SLC35F4: variants seen among roughly 807,000 people sequenced by gnomAD.
SLC35F4 encodes the protein chromosome 14 open reading frame 36.
A neutral mutation model predicts 44.2 loss-of-function variants in SLC35F4; 24 were observed. The ratio of observed to expected loss-of-function variants is 0.54; its 90% CI spans 0.39 to 0.76. SLC35F4 has a LOEUF of 0.76. Among genes scored for constraint, SLC35F4 ranks in the 30% least tolerant of loss-of-function variants. The pLI is 0.00. For missense variants in SLC35F4, 562 were observed against 586.1 expected, an observed-to-expected ratio of 0.96 and a Z score of 0.42; for synonymous variants, 238 against 223.6, an observed-to-expected ratio of 1.06 and a Z score of -0.57.
At chr14:57,873,652 A>G (rs1454649904) in intron 1 of SLC35F4, among the ~76,000 whole-genome samples, 4 of 152,198 alleles carry the variant, frequency 2.6e-5, no homozygotes, top group Non-Finnish European at 4.4e-5. Flanking sequence ...AATTCAAAAA[A>G]TGGTGATAAG....
chr14:57,639,407 C>A (rs1404370547), intron 1 of SLC35F4, among the ~76,000 whole-genome samples: 1 of 151,926 alleles, frequency 6.6e-6, no homozygotes, highest in African/African-American at 2.4e-5. Context: ...TTTTCCCCAC[C>A]CCTATGTTAA....
intron 1 of SLC35F4, among the ~76,000 whole-genome samples, chr14:57,865,006 G>C (rs1346751664): frequency 1.3e-5 from 2 of 152,104 alleles, no homozygotes; most frequent in Non-Finnish European, 2.9e-5. Context: ...GAAGAAAGCG[G>C]TGACCGCGAC....
At chr14:57,895,546 G>C (rs1247119549) in intron 1 of SLC35F4, among the ~76,000 whole-genome samples, 2 of 151,804 alleles carry the variant, frequency 1.3e-5, no homozygotes, top group East Asian at 1.9e-4. Flanking sequence ...TGGTTTAAAA[G>C]CATGTGGCAC....
At chr14:57,568,601 G>A (rs976644542) in intron 6 of SLC35F4, among the ~76,000 whole-genome samples, 1 of 152,138 alleles carries the variant, frequency 6.6e-6, no homozygotes, top group African/African-American at 2.4e-5. Context: ...TCTCTTGAGT[G>A]TTTTCTGTCG....
chr14:57,627,013 ACTT>A (rs1323917940), intron 1 of SLC35F4, among the ~76,000 whole-genome samples: 1 of 152,094 alleles, frequency 6.6e-6, no homozygotes, highest in Admixed American at 6.6e-5. Flanking sequence ...AAATGCTCCT[ACTT>A]CTTCTCTTTC....
intron 1 of SLC35F4, among the ~76,000 whole-genome samples, chr14:57,857,975 G>A (rs575595996): frequency 2.6e-4 from 39 of 152,104 alleles, no homozygotes; most frequent in African/African-American, 8.5e-4. Context: ...CAAAACCACA[G>A]TGAGATACCA....
chr14:57,896,077 C>T (rs1888862429), intron 1 of SLC35F4, among the ~76,000 whole-genome samples: 1 of 152,148 alleles, frequency 6.6e-6, no homozygotes, highest in South Asian at 2.1e-4. Flanking sequence ...CTGATCAGAA[C>T]ACTAGTGCTT....
chr14:57,923,769 C>T (rs577325568), intron 1 of SLC35F4, among the ~76,000 whole-genome samples: 2 of 152,320 alleles, frequency 1.3e-5, no homozygotes, highest in East Asian at 3.9e-4. Context: ...TCTGAGGATT[C>T]TCAATAGAAA....
chr14:57,745,115 A>T (rs1394703029), intron 1 of SLC35F4, among the ~76,000 whole-genome samples: 10 of 152,234 alleles, frequency 6.6e-5, no homozygotes, highest in Non-Finnish European at 1.2e-4. Flanking sequence ...TGTTAGACCT[A>T]AAACCATAAA....
chr14:57,681,534 T>C (rs2074903973), intron 1 of SLC35F4, among the ~76,000 whole-genome samples: 1 of 152,032 alleles, frequency 6.6e-6, no homozygotes, highest in Non-Finnish European at 1.5e-5. Context: ...ACATAAGACC[T>C]AAAACCATAA....
chr14:57,931,960 A>G (rs77029643), intron 1 of SLC35F4, among the ~76,000 whole-genome samples: 1 of 152,250 alleles, frequency 6.6e-6, no homozygotes, highest in Non-Finnish European at 1.5e-5. Context: ...AAAGCAATAC[A>G]GGAATAGGAT....
intron 1 of SLC35F4, among the ~76,000 whole-genome samples, chr14:57,644,781 T>C (rs998792822): frequency 2.0e-5 from 3 of 152,252 alleles, no homozygotes; most frequent in Non-Finnish European, 2.9e-5. Context: ...TTAATCCATC[T>C]TGAATTAATT....
At chr14:57,873,554 G>GA (rs977928094) in intron 1 of SLC35F4, among the ~76,000 whole-genome samples, 9 of 151,980 alleles carry the variant, frequency 5.9e-5, no homozygotes, top group South Asian at 2.1e-4. Context: ...ATTAAGTGGT[G>GA]AAAAAAATCA....
intron 1 of SLC35F4, among the ~76,000 whole-genome samples, chr14:57,698,032 C>T (rs1424817176): frequency 1.3e-5 from 2 of 152,160 alleles, no homozygotes; most frequent in Non-Finnish European, 2.9e-5. Flanking sequence ...ATTGTTTGTG[C>T]TTCAGTTCTT....
chr14:57,646,073 C>A (rs1364417901), intron 1 of SLC35F4, among the ~76,000 whole-genome samples: 1 of 151,984 alleles, frequency 6.6e-6, no homozygotes, highest in South Asian at 2.1e-4. Flanking sequence ...AGGATATTGG[C>A]CTAAAATTAT....
At chr14:57,768,557 G>A (rs761125844) in intron 1 of SLC35F4, among the ~76,000 whole-genome samples, 3 of 152,164 alleles carry the variant, frequency 2.0e-5, no homozygotes, top group Non-Finnish European at 2.9e-5. Flanking sequence ...TCCATGAACC[G>A]CTCCTACAAA....
At chr14:57,909,619 G>A (rs950660120) in intron 1 of SLC35F4, among the ~76,000 whole-genome samples, 2 of 151,314 alleles carry the variant, frequency 1.3e-5, no homozygotes, top group African/African-American at 2.4e-5. Flanking sequence ...ATGCATCAAA[G>A]GTTCTTTCAT....
intron 1 of SLC35F4, among the ~76,000 whole-genome samples, chr14:57,689,283 C>A (rs2075157681): frequency 6.6e-6 from 1 of 152,168 alleles, no homozygotes; most frequent in Non-Finnish European, 1.5e-5. Flanking sequence ...GCCATTCACC[C>A]TGTCCTGCCA....
chr14:57,792,608 T>A (rs1595076235), intron 1 of SLC35F4, among the ~76,000 whole-genome samples: 1 of 151,940 alleles, frequency 6.6e-6, no homozygotes, highest in African/African-American at 2.4e-5. Flanking sequence ...TAAAAAGGAA[T>A]GAAATAATGG....
Sources: gnomAD v4.1 joint callset for allele counts (sites outside exome capture counted in the v4.1 genomes callset) on GRCh38, gnomAD v4.1.1 for gene constraint, MANE v1.5 for transcripts, NCBI Gene and HGNC (gene_info 2026-07-23, HGNC 2026-07-21) for gene names.